The following SSR1 variants were observed in gnomAD, a reference collection of about 807,000 sequenced individuals.
SSR1 encodes the protein translocon-associated protein subunit alpha.
SSR1 carries 13 observed loss-of-function variants against 36.1 expected under a neutral mutation model. The observed-to-expected ratio is 0.36, with a 90% CI of 0.23 to 0.57. SSR1 has a LOEUF of 0.57. Ranked by LOEUF, SSR1 falls within the 20% of genes least tolerant of loss-of-function variation. SSR1 has a pLI of 0.81. For synonymous variants in SSR1, 113 were observed against 118.9 expected (o/e 0.95, Z 0.32); for missense variants, 291 against 338.5 (o/e 0.86, Z 1.10).
At chr6:7,294,670 G>A (rs1581628938) in intron 7 of SSR1, among the ~76,000 whole-genome samples, 2 of 150,960 alleles carry the variant, frequency 1.3e-5, no homozygotes, top group South Asian at 2.1e-4. Flanking sequence ...CAGCCTGGGC[G>A]ACAGAGCAAG....
intron 3 of SSR1, among the ~76,000 whole-genome samples, chr6:7,302,612 A>C (rs1445175468): frequency 6.6e-6 from 1 of 151,992 alleles, no homozygotes; most frequent in East Asian, 1.9e-4. Context: ...AAATACAAAA[A>C]TTAGCTGGGC....
chr6:7,312,614 C>T (rs1758226603), intron 1 of SSR1, among the ~76,000 whole-genome samples: 1 of 152,220 alleles, frequency 6.6e-6, no homozygotes, highest in Non-Finnish European at 1.5e-5. Context: ...ACACGTCAGC[C>T]CTGAGCGCGA....
chr6:7,307,986 T>C (rs1399895352), intron 2 of SSR1, among the ~76,000 whole-genome samples: 1 of 152,252 alleles, frequency 6.6e-6, no homozygotes, highest in African/African-American at 2.4e-5. Context: ...AATTCCTAGA[T>C]GGATTCCCTT....
At chr6:7,300,526 T>C (rs915634224) in intron 4 of SSR1, among the ~76,000 whole-genome samples, 1 of 152,174 alleles carries the variant, frequency 6.6e-6, no homozygotes, top group Admixed American at 6.5e-5. Context: ...ATTTTATCTA[T>C]GAGTACATAA....
Position 7,303,587 on chromosome 6 carries a change from C to A in SSR1, c.243G>T (p.Pro81=), listed in dbSNP as rs373548171. ...CAAACAGTATAGTTGTATCTGCACT[C>A]GGTGAAGCTTCAGGTTCACCAGACA... The part of the protein sequence containing the change: ...EDVSGEPEAS[P]SADTTILFVK... The change falls in exon 3 of 8, where the codon CCG becomes CCT. Residue 81 remains proline, a synonymous_variant. Coordinates refer to ENST00000244763, the MANE Select transcript of SSR1 (RefSeq NM_003144.5). The A allele has an allele frequency of 1.2e-6, 2 of 1,613,308 alleles. No homozygotes were observed. The highest frequency in any genetic ancestry group is 2.7e-5 in the African/African-American group (2 of 74,850).
intron 1 of SSR1, among the ~76,000 whole-genome samples, chr6:7,311,027 AG>A (rs1758183441): frequency 1.3e-5 from 2 of 152,272 alleles, no homozygotes; most frequent in Non-Finnish European, 2.9e-5. Context: ...TTGTAAGCCA[AG>A]GAACAAATAT....
In SSR1 at chr6:7,303,138, T is replaced by TAAAAAAAAA. The variant is rs35763826; in HGVS notation, c.280+403_280+411dup. Among the ~76,000 whole-genome samples, 259 of 42,908 alleles carry TAAAAAAAAA rather than the reference T, an allele frequency of 6.0e-3. 13 individuals carry two copies. Among genetic ancestry groups the TAAAAAAAAA allele is most frequent in the African/African-American group, 0.024 (221 of 9,068 alleles). 28.1% of individuals were successfully genotyped at this position (42,908 alleles called of 152,430 possible). On this transcript the variant is annotated intron_variant, in intron 3 of 7. Transcript: ENST00000244763. ...TGGGTGACAGAGCGAGACTACATCT[T>TAAAAAAAAA]AAAAAAAAAAAAAAAAAAAAAAAAA...
rs914220020 is a variant in SSR1 at position 7,286,156 on chromosome 6, T to C, written c.*3708A>G. 2.0e-5 allele frequency: 3 copies of C among 152,042 alleles called. No individual in the cohort carries two copies. The highest frequency in any genetic ancestry group is 4.8e-5 in the African/African-American group (2 of 41,416). 9.4% of individuals were successfully genotyped at this position (152,042 alleles called of 1,614,324 possible). On this transcript the variant is annotated 3_prime_UTR_variant, in exon 8 of 8. Transcript: ENST00000244763. ...AAAACAAACAGAACACAGCACGTGA[T>C]TGATGTTTAATAAATGAGTTCCCTT... is the stretch of plus-strand genomic sequence containing the variant.
chr6:7,298,660 C>T lies in SSR1; in HGVS notation c.620+87G>A, dbSNP rs1581631488. The T allele has an allele frequency of 1.2e-5, 12 of 963,798 alleles. No individual in the cohort carries two copies. The East Asian group carries it at 2.9e-4, about 23-fold the overall frequency. 59.7% of individuals were successfully genotyped at this position (963,798 alleles called of 1,614,324 possible). ...TCTATACAGTTCATTCCATCGTCAA[C>T]ATCTAAAACAATGCTGAAACAGAGC... On this transcript the variant is annotated intron_variant, in intron 5 of 7. Coordinates refer to ENST00000244763, the MANE Select transcript of SSR1 (RefSeq NM_003144.5).
At chr6:7,292,262 C>T (rs1370696667) in intron 7 of SSR1, among the ~76,000 whole-genome samples, 2 of 152,312 alleles carry the variant, frequency 1.3e-5, no homozygotes, top group African/African-American at 4.8e-5. Flanking sequence ...TCTCCTCATC[C>T]TTCCATGCTT....
intron 7 of SSR1, among the ~76,000 whole-genome samples, chr6:7,290,712 G>A (rs1757663366): frequency 6.6e-6 from 1 of 151,778 alleles, no homozygotes; most frequent in Non-Finnish European, 1.5e-5. Context: ...TGTAGAATAA[G>A]TTAGAAATAA....
At chr6:7,311,274 A>G (rs1295419805) in intron 1 of SSR1, among the ~76,000 whole-genome samples, 1 of 149,114 alleles carries the variant, frequency 6.7e-6, no homozygotes, top group Non-Finnish European at 1.5e-5. Context: ...GTCACATTAT[A>G]TCTATTTCAG....
intron 7 of SSR1, among the ~76,000 whole-genome samples, chr6:7,290,618 A>G (rs1757660675): frequency 6.6e-6 from 1 of 152,064 alleles, no homozygotes; most frequent in Non-Finnish European, 1.5e-5. Context: ...GTTAGAAATT[A>G]CTTGTATAAT....
intron 7 of SSR1, chr6:7,295,050 T>A (rs7764613): frequency 0.4 from 599,296 of 1,481,764 alleles, 122,123 homozygotes; most frequent in South Asian, 0.42. Context: ...AGCCCCCAAT[T>A]CTCTAGCAAA....
Position 7,301,370 on chromosome 6 carries a change from T to C in SSR1, c.483A>G (p.Ala161=), listed in dbSNP as rs757218372. The C allele has an allele frequency of 3.1e-6, 5 of 1,614,202 alleles. No homozygotes were observed. The highest frequency in any genetic ancestry group is 3.4e-6 in the Non-Finnish European group (4 of 1,180,038). The change falls in exon 4 of 8, where the codon GCA becomes GCG. Residue 161 remains alanine (A), a synonymous_variant. Transcript: ENST00000244763. ...QATFEYSFIP[A]EPMGGRPFGL... ...CAAATGGTCGTCCGCCCATGGGCTC[T>C]GCAGGAATGAAAGAGTACTCAAAAG...
Position 7,283,973 on chromosome 6 carries a change from T to A in SSR1, c.*5891A>T, listed in dbSNP as rs1757489091. On this transcript the variant is annotated 3_prime_UTR_variant, in exon 8 of 8. Coordinates refer to ENST00000244763, the MANE Select transcript of SSR1 (RefSeq NM_003144.5). ...GGCAGTTGTGAAGATGAAATGAGGA[T>A]GTGTGTGGAAGGGCAGAGCAGATGC... is the stretch of plus-strand genomic sequence containing the variant. 1 of 152,178 alleles carries A rather than the reference T, an allele frequency of 6.6e-6. No individual in the cohort carries two copies. The highest frequency in any genetic ancestry group is 2.4e-5 in the African/African-American group (1 of 41,446). 9.4% of individuals were successfully genotyped at this position (152,178 alleles called of 1,614,324 possible).
chr6:7,297,141 GC>G, intron 6 of SSR1: 2 of 331,910 alleles, frequency 6.0e-6, no homozygotes, highest in Non-Finnish European at 1.2e-5. Context: ...GATGACTTGA[GC>G]CCCGAAGGCG....
chr6:7,309,775 C>G (rs1281061167), intron 2 of SSR1, 142 bp downstream of exon 2: 2 of 702,670 alleles, frequency 2.8e-6, no homozygotes, highest in African/African-American at 3.6e-5. Flanking sequence ...TGAGGCCTCC[C>G]CAGTCATGCT....
At chr6:7,301,185 C>T in intron 4 of SSR1, 125 bp downstream of exon 4, 1 of 1,182,992 alleles carries the variant, frequency 8.5e-7, no homozygotes, top group Non-Finnish European at 1.2e-6. Context: ...TCTTTGCTTC[C>T]CTGGTGGCTA....
Sources: gnomAD v4.1 joint callset for allele counts (sites outside exome capture counted in the v4.1 genomes callset) on GRCh38, gnomAD v4.1.1 for gene constraint, MANE v1.5 for transcripts, NCBI Gene and HGNC (gene_info 2026-07-23, HGNC 2026-07-21) for gene names.